The following SLC25A28 variants were observed in gnomAD, a reference collection of about 807,000 sequenced individuals.
SLC25A28 encodes the protein solute carrier family 25 member 28.
In SLC25A28, 10 loss-of-function variants were observed where a neutral mutation model predicts 31.9. The observed-to-expected ratio is 0.31, with a 90% CI of 0.19 to 0.53. The LOEUF is 0.53. SLC25A28 is among the 20% of genes least tolerant of loss of function. The pLI, the probability that SLC25A28 is intolerant of heterozygous loss-of-function variation, is 0.95. For synonymous variants in SLC25A28, 208 were observed against 203.6 expected (o/e 1.02, Z -0.19); for missense variants, 256 against 490.3 (o/e 0.52, Z 4.51).
chr10:99,613,470 G>T lies in SLC25A28; in HGVS notation c.520+226C>A, dbSNP rs1043854641. On this transcript the variant is annotated intron_variant, in intron 2 of 3. Transcript: ENST00000370495. The surrounding 1 kb of genome is among the most constrained non-coding windows in gnomAD (Gnocchi z 4.9). ...TGAGAGGAACAAGTCAAGCTGGTAG[G>T]TAAGGGAGGATACTGTAACCCTTTG... 2.1e-6 allele frequency: 3 copies of T among 1,410,092 alleles called. No individual in the cohort carries two copies. In the African/African-American group the frequency reaches 4.3e-5, roughly 20 times the overall value. 87.3% of individuals were successfully genotyped at this position (1,410,092 alleles called of 1,614,324 possible).
In SLC25A28 at chr10:99,612,530, G is replaced by A. The variant is rs368550011; in HGVS notation, c.577+13C>T. ...GCAGCTGCCCACAGAGTGATAGGTT[G>A]AGGAATCATTACCTTCCGCAGGGTT... On this transcript the variant is annotated intron_variant, in intron 3 of 3. Coordinates refer to ENST00000370495, the MANE Select transcript of SLC25A28 (RefSeq NM_031212.4). The A allele has an allele frequency of 7.0e-5, 113 of 1,613,856 alleles. No homozygotes were observed. The highest frequency in any genetic ancestry group is 3.6e-4 in the African/African-American group (27 of 74,906).
At chr10:99,634,086 A>G in the SLC25A28 span, among the ~76,000 whole-genome samples, 1 of 152,230 alleles carries the variant, frequency 6.6e-6, no homozygotes, top group Non-Finnish European at 1.5e-5. Context: ...AGCCAGATCC[A>G]TAGGAAAGGG....
intron 1 of SLC25A28, chr10:99,617,697 G>C: frequency 1.0e-6 from 1 of 985,424 alleles, no homozygotes; most frequent in Non-Finnish European, 1.2e-6. Context: ...CCAGCATTAA[G>C]TGCAAGTGAA....
At chr10:99,657,310 A>C in the SLC25A28 span, among the ~76,000 whole-genome samples, 1 of 152,208 alleles carries the variant, frequency 6.6e-6, no homozygotes, top group Non-Finnish European at 1.5e-5. Flanking sequence ...AATTACTCCA[A>C]AACATTATTT....
chr10:99,644,913 T>C, the SLC25A28 span, among the ~76,000 whole-genome samples: 1 of 152,200 alleles, frequency 6.6e-6, no homozygotes, highest in African/African-American at 2.4e-5. Flanking sequence ...AGAGTTTCTG[T>C]GAGAGATCCG....
At chr10:99,633,338 A>T in the SLC25A28 span, among the ~76,000 whole-genome samples, 1 of 152,128 alleles carries the variant, frequency 6.6e-6, no homozygotes, top group East Asian at 1.9e-4. Flanking sequence ...ATCAACCAGC[A>T]CTTTTCTCTG....
the SLC25A28 span, among the ~76,000 whole-genome samples, chr10:99,638,740 C>A: frequency 3.3e-5 from 5 of 152,162 alleles, no homozygotes; most frequent in African/African-American, 7.2e-5. Flanking sequence ...AATGTGATAC[C>A]ACCTTACTCC....
the SLC25A28 span, among the ~76,000 whole-genome samples, chr10:99,628,711 C>T: frequency 2.0e-5 from 3 of 152,156 alleles, no homozygotes; most frequent in African/African-American, 4.8e-5. Flanking sequence ...ATCCCAGCTA[C>T]TCAGGAGGCT....
the SLC25A28 span, among the ~76,000 whole-genome samples, chr10:99,639,186 C>G: frequency 6.6e-6 from 1 of 151,834 alleles, no homozygotes; most frequent in Non-Finnish European, 1.5e-5. Context: ...CATTTGCATC[C>G]ACCTGGATGA....
chr10:99,651,084 C>G, the SLC25A28 span, among the ~76,000 whole-genome samples: 2 of 152,006 alleles, frequency 1.3e-5, no homozygotes, highest in Non-Finnish European at 2.9e-5. Flanking sequence ...TTATTGTTTC[C>G]CAGCATCCAG....
At chr10:99,640,074 G>T in the SLC25A28 span, among the ~76,000 whole-genome samples, 3 of 152,204 alleles carry the variant, frequency 2.0e-5, no homozygotes, top group African/African-American at 7.2e-5. Context: ...GTAACTGACA[G>T]CCAGCATTTA....
At chr10:99,619,283 T>G in intron 1 of SLC25A28, 2 of 985,400 alleles carry the variant, frequency 2.0e-6, no homozygotes, top group East Asian at 1.1e-4. Flanking sequence ...CTAGGCAACT[T>G]CTCCCTTTTT....
At chr10:99,657,247 G>A in the SLC25A28 span, among the ~76,000 whole-genome samples, 2 of 152,136 alleles carry the variant, frequency 1.3e-5, no homozygotes, top group Admixed American at 6.5e-5. Flanking sequence ...AAATATATAT[G>A]TATAGAGATT....
Position 99,610,858 on chromosome 10 carries a change from AGCCCTCCACTCTTCTTGC to A in SLC25A28, c.1068_1085del (p.Arg356_Ala362delinsSer), listed in dbSNP as rs2034504978. The stretch of plus-strand genomic sequence containing the variant: ...TTCGTTCAGTGCTACTTCACTTGCC[AGCCCTCCACTCTTCTTGC>A]CTTTTAGTGATTAGGTATTTGAAGA... On this transcript the variant is annotated inframe_deletion, in exon 4 of 4. Coordinates refer to ENST00000370495, the MANE Select transcript of SLC25A28 (RefSeq NM_031212.4). 1 of 1,613,144 alleles carries A rather than the reference AGCCCTCCACTCTTCTTGC, an allele frequency of 6.2e-7. No individual in the cohort carries two copies. The highest frequency in any genetic ancestry group is 8.5e-7 in the Non-Finnish European group (1 of 1,179,236).
chr10:99,618,780 T>C (rs1169743604), intron 1 of SLC25A28: 20 of 985,290 alleles, frequency 2.0e-5, no homozygotes, highest in Non-Finnish European at 2.4e-5. Flanking sequence ...GCTCCCCCCA[T>C]TTCCTTATCC....
intron 1 of SLC25A28, chr10:99,618,327 A>G (rs2034704741): frequency 1.0e-6 from 1 of 984,846 alleles, no homozygotes; most frequent in Non-Finnish European, 1.2e-6. Context: ...ACAAATTATT[A>G]CACTGTATTT....
intron 1 of SLC25A28, chr10:99,619,139 T>G: frequency 3.0e-6 from 3 of 985,446 alleles, no homozygotes; most frequent in Non-Finnish European, 3.6e-6. Context: ...GGACCTGACT[T>G]CAGTACACAT....
At chr10:99,618,052 C>T (rs2034699553) in intron 1 of SLC25A28, among the ~76,000 whole-genome samples, 1 of 152,216 alleles carries the variant, frequency 6.6e-6, no homozygotes, top group Non-Finnish European at 1.5e-5. Flanking sequence ...AGCAGTATTA[C>T]CCATTTTGAC....
chr10:99,615,728 G>C (rs963772873), intron 1 of SLC25A28: 1 of 985,046 alleles, frequency 1.0e-6, no homozygotes, highest in African/African-American at 1.8e-5. Flanking sequence ...AGAGACTACG[G>C]GTCATATGCT....
Sources: gnomAD v4.1 joint callset for allele counts (sites outside exome capture counted in the v4.1 genomes callset) on GRCh38, gnomAD v4.1.1 for gene constraint, Gnocchi (gnomAD v3.1) non-coding constraint, MANE v1.5 for transcripts, NCBI Gene and HGNC (gene_info 2026-07-23, HGNC 2026-07-21) for gene names.